EXOC4: variants seen among roughly 807,000 people sequenced by gnomAD.
EXOC4 encodes SEC8-like 1.
A neutral mutation model predicts 107.2 loss-of-function variants in EXOC4; 71 were observed. The ratio of observed to expected loss-of-function variants is 0.66; its 90% CI spans 0.55 to 0.81. The LOEUF is 0.81. Among genes scored for constraint, EXOC4 ranks in the 30% least tolerant of loss-of-function variants. The pLI is 0.00. For synonymous variants in EXOC4, 456 were observed against 441.2 expected (o/e 1.03, Z -0.42); for missense variants, 1,108 against 1,189.6 (o/e 0.93, Z 1.01).
intron 10 of EXOC4, among the ~76,000 whole-genome samples, chr7:133,800,024 CAT>C (rs1796901278): frequency 2.7e-5 from 4 of 149,160 alleles, no homozygotes; most frequent in South Asian, 2.2e-4. Context: ...TCCATCCATC[CAT>C]CCATCCATCC....
chr7:133,799,348 C>G (rs986382045), intron 10 of EXOC4, among the ~76,000 whole-genome samples: 2 of 152,178 alleles, frequency 1.3e-5, no homozygotes, highest in African/African-American at 2.4e-5. Flanking sequence ...ACTGAGGGGC[C>G]TGGATTGGTG....
At chr7:133,384,674 T>G (rs1234908100) in intron 7 of EXOC4, among the ~76,000 whole-genome samples, 1 of 151,954 alleles carries the variant, frequency 6.6e-6, no homozygotes, top group African/African-American at 2.4e-5. Context: ...CTTGAGAAGG[T>G]TTTAGAGCAA....
chr7:133,357,197 T>A (rs536232729), intron 6 of EXOC4, among the ~76,000 whole-genome samples: 13 of 152,340 alleles, frequency 8.5e-5, no homozygotes, highest in African/African-American at 3.1e-4. Context: ...GTACACATAC[T>A]AAGTACTCAG....
intron 9 of EXOC4, among the ~76,000 whole-genome samples, chr7:133,500,920 C>G (rs534152177): frequency 6.6e-6 from 1 of 152,112 alleles, no homozygotes; most frequent in African/African-American, 2.4e-5. Context: ...AATCCTTTTT[C>G]TCTTGTGAGA....
chr7:133,264,412 T>C lies in EXOC4; in HGVS notation c.87-10570T>C, dbSNP rs756006377. ...TTGTATTGTTAGGGGATGTTGTTTT[T>C]ATGCATCAGAAAACTTTTTCAGAGG... On this transcript the variant is annotated intron_variant, in intron 1 of 17. Coordinates refer to ENST00000253861, the MANE Select transcript of EXOC4 (RefSeq NM_021807.4). Among the ~76,000 whole-genome samples the C allele has an allele frequency of 5.9e-5, 9 of 152,342 alleles. No homozygotes were observed. The East Asian group carries it at 1.4e-3, about 23-fold the overall frequency.
intron 11 of EXOC4, among the ~76,000 whole-genome samples, chr7:133,823,860 TATA>T (rs1797601453): frequency 5.4e-5 from 1 of 18,564 alleles, no homozygotes; most frequent in Admixed American, 5.7e-4. Flanking sequence ...TATATATATA[TATA>T]TATATATATT....
At chr7:133,326,597 G>T (rs573569467) in intron 5 of EXOC4, among the ~76,000 whole-genome samples, 1 of 152,208 alleles carries the variant, frequency 6.6e-6, no homozygotes, top group African/African-American at 2.4e-5. Context: ...AGCCGGCTGT[G>T]TGAGGTGTCA....
chr7:133,282,062 C>T (rs935319349), intron 2 of EXOC4, among the ~76,000 whole-genome samples: 6 of 152,272 alleles, frequency 3.9e-5, no homozygotes, highest in Non-Finnish European at 8.8e-5. Flanking sequence ...AGGCCTGTGT[C>T]CATAAGCCCC....
At chr7:133,337,261 T>C (rs899008468) in intron 5 of EXOC4, among the ~76,000 whole-genome samples, 1 of 152,138 alleles carries the variant, frequency 6.6e-6, no homozygotes, top group Non-Finnish European at 1.5e-5. Context: ...TTGGTTTCAG[T>C]GTAATAATTT....
intron 11 of EXOC4, among the ~76,000 whole-genome samples, chr7:133,854,752 A>T (rs941554941): frequency 6.7e-6 from 1 of 149,150 alleles, no homozygotes; most frequent in Non-Finnish European, 1.5e-5. Flanking sequence ...CCTCTTAGCC[A>T]TTTCATCTGC....
At chr7:133,678,569 T>C (rs920867277) in intron 10 of EXOC4, among the ~76,000 whole-genome samples, 3 of 152,148 alleles carry the variant, frequency 2.0e-5, no homozygotes, top group Non-Finnish European at 2.9e-5. Context: ...ATTTCCACAC[T>C]GTGTCACCAA....
At chr7:134,084,727 A>AAAAAAAG in the EXOC4 span, among the ~76,000 whole-genome samples, 61 of 145,176 alleles carry the variant, frequency 4.2e-4, no homozygotes, top group African/African-American at 7.9e-4. Flanking sequence ...AAAAAAAAAA[A>AAAAAAAG]AAATTCACCA....
chr7:133,269,086 A>G (rs538643794), intron 1 of EXOC4, among the ~76,000 whole-genome samples: 42 of 152,326 alleles, frequency 2.8e-4, no homozygotes, highest in African/African-American at 9.4e-4. Context: ...TGGGTTGGCA[A>G]CTTTATGCCA....
At position 133,317,400 on chromosome 7, in the gene EXOC4, T is replaced by C. The variant is rs1037631930; in HGVS notation, c.763+10T>C. 7.1e-6 allele frequency: 11 copies of C among 1,550,956 alleles called. No homozygotes were observed. The highest frequency in any genetic ancestry group is 1.7e-4 in the Middle Eastern group (1 of 5,954). On this transcript the variant is annotated intron_variant, in intron 5 of 17. Transcript: ENST00000253861. ...GCTGGAAGCTCAAGTGGTAAGTATT[T>C]AATTCTTCAGCCACTAAGCTTTTTA...
chr7:133,842,017 T>G (rs1397145463), intron 11 of EXOC4, among the ~76,000 whole-genome samples: 1 of 152,226 alleles, frequency 6.6e-6, no homozygotes. Context: ...TATTCCACGG[T>G]GTATATGTAC....
intron 9 of EXOC4, among the ~76,000 whole-genome samples, chr7:133,612,141 A>G (rs1467427595): frequency 6.6e-6 from 1 of 152,118 alleles, no homozygotes; most frequent in Admixed American, 6.6e-5. Context: ...TAGGAGGAAA[A>G]AGCTGACTCA....
At chr7:133,921,415 C>G (rs893293740) in intron 13 of EXOC4, among the ~76,000 whole-genome samples, 1 of 152,200 alleles carries the variant, frequency 6.6e-6, no homozygotes, top group African/African-American at 2.4e-5. Context: ...AACCAGTTAT[C>G]TGAGCATCTC....
intron 10 of EXOC4, among the ~76,000 whole-genome samples, chr7:133,716,767 C>G (rs1183524954): frequency 6.6e-6 from 1 of 151,992 alleles, no homozygotes; most frequent in African/African-American, 2.4e-5. Context: ...ATGGTGAAAC[C>G]TCGTCTTTAC....
chr7:133,928,228 A>G (rs2116685412), intron 13 of EXOC4, among the ~76,000 whole-genome samples: 1 of 152,282 alleles, frequency 6.6e-6, no homozygotes, highest in East Asian at 1.9e-4. Flanking sequence ...TTAGCCCTTG[A>G]GAAAGTCAGG....
Sources: allele counts gnomAD v4.1 joint callset (sites outside exome capture counted in the v4.1 genomes callset), GRCh38; gene constraint gnomAD v4.1.1; transcripts MANE v1.5; gene names NCBI Gene and HGNC (gene_info 2026-07-23, HGNC 2026-07-21).